PDZRN4: variants seen among roughly 807,000 people sequenced by gnomAD.
PDZRN4 encodes PDZ domain-containing RING finger protein 4.
Under a neutral mutation model 99.0 loss-of-function variants are expected in PDZRN4, and 70 were observed. That is an observed-to-expected ratio of 0.71 (90% CI 0.58 to 0.86). PDZRN4 has a LOEUF of 0.86. Ranked by LOEUF, PDZRN4 falls within the 40% of genes least tolerant of loss-of-function variation. The pLI is 0.00. For missense variants in PDZRN4, 1,474 were observed against 1,331.2 expected (o/e 1.11, Z -1.67); for synonymous variants, 551 against 501.6 (o/e 1.10, Z -1.32).
intron 3 of PDZRN4, among the ~76,000 whole-genome samples, chr12:41,466,989 C>A (rs897428879): frequency 6.6e-6 from 1 of 152,178 alleles, no homozygotes; most frequent in African/African-American, 2.4e-5. Flanking sequence ...CTGCTGCTGA[C>A]GCACCTCTGT....
chr12:41,379,318 C>A (rs1486342468), intron 3 of PDZRN4, among the ~76,000 whole-genome samples: 3 of 145,782 alleles, frequency 2.1e-5, no homozygotes, highest in Non-Finnish European at 3.0e-5. Context: ...AGAAAACCAT[C>A]CCTTCATTTT....
intron 3 of PDZRN4, among the ~76,000 whole-genome samples, chr12:41,335,665 G>A (rs1951768061): frequency 6.6e-6 from 1 of 152,062 alleles, no homozygotes; most frequent in Non-Finnish European, 1.5e-5. Context: ...GAATGAAGAG[G>A]CTAATATTAC....
In PDZRN4 at chr12:41,509,835, G is replaced by C; in HGVS notation, c.1125G>C (p.Glu375Asp). ...GCTGCCATTCTCTACATCCAATGGA[G>C]CATGAATTTTATGAGGACAATGAGT... ...SDSCHSLHPM[E>D]HEFYEDNEYI... The change falls in exon 5 of 10, where the codon GAG becomes GAC. Residue 375 changes from glutamate (E) to aspartate (D), a missense_variant. Transcript: ENST00000402685. 1 of 1,592,782 alleles carries C rather than the reference G, an allele frequency of 6.3e-7. No homozygotes were observed. Among genetic ancestry groups the C allele is most frequent in the Non-Finnish European group, 8.6e-7 (1 of 1,163,068 alleles).
At chr12:41,506,990 T>C (rs1005799582) in intron 4 of PDZRN4, among the ~76,000 whole-genome samples, 1 of 152,130 alleles carries the variant, frequency 6.6e-6, no homozygotes, top group Non-Finnish European at 1.5e-5. Flanking sequence ...TTCATATTAC[T>C]AGCTGTCAAA....
In PDZRN4 at chr12:41,194,065, G is replaced by C; in HGVS notation, c.736-16G>C. 1 of 1,194,058 alleles carries C rather than the reference G, an allele frequency of 8.4e-7. No individual in the cohort carries two copies. The highest frequency in any genetic ancestry group is 1.5e-5 in the African/African-American group (1 of 66,634). 74.0% of individuals were successfully genotyped at this position (1,194,058 alleles called of 1,614,324 possible). On this transcript the variant is annotated splice_polypyrimidine_tract_variant and intron_variant, in intron 2 of 9. Transcript: ENST00000402685. Reference sequence around the variant, plus strand: ...TTGCTTACATCTTTCTTCTGCTAATGATTTTTTAAAAATAGAATAATCAGG... The same window carrying C: ...TTGCTTACATCTTTCTTCTGCTAATCATTTTTTAAAAATAGAATAATCAGG...
intron 3 of PDZRN4, among the ~76,000 whole-genome samples, chr12:41,491,244 C>T (rs1287512331): frequency 1.3e-5 from 2 of 152,018 alleles, no homozygotes; most frequent in African/African-American, 4.8e-5. Flanking sequence ...GAATCCTGGC[C>T]GGGAGTGGTG....
chr12:41,527,677 T>C (rs892648338), intron 5 of PDZRN4, among the ~76,000 whole-genome samples: 26 of 152,172 alleles, frequency 1.7e-4, no homozygotes, highest in African/African-American at 6.0e-4. Flanking sequence ...CTGACCAAAG[T>C]CATTTGGGCA....
chr12:41,518,313 T>C (rs1016478462), intron 5 of PDZRN4, among the ~76,000 whole-genome samples: 6 of 152,142 alleles, frequency 3.9e-5, no homozygotes, highest in Non-Finnish European at 8.8e-5. Flanking sequence ...AATACAATTT[T>C]TAAATATGAT....
intron 9 of PDZRN4, among the ~76,000 whole-genome samples, chr12:41,570,643 A>G (rs753850080): frequency 6.6e-6 from 1 of 152,176 alleles, no homozygotes; most frequent in Non-Finnish European, 1.5e-5. Flanking sequence ...TATTAGAAAA[A>G]TATAATTATA....
At chr12:41,410,677 C>A (rs145833948) in intron 3 of PDZRN4, among the ~76,000 whole-genome samples, 2,199 of 152,114 alleles carry the variant, frequency 0.014, 35 homozygotes, top group Non-Finnish European at 0.021. Context: ...ATTGGGAATC[C>A]CACTCTGGCT....
chr12:41,258,271 T>C (rs1951216418), intron 3 of PDZRN4, among the ~76,000 whole-genome samples: 1 of 152,230 alleles, frequency 6.6e-6, no homozygotes, highest in Non-Finnish European at 1.5e-5. Context: ...TATTTATATC[T>C]TGTTTAATTT....
chr12:41,271,164 G>C (rs1025106521), intron 3 of PDZRN4, among the ~76,000 whole-genome samples: 1 of 150,948 alleles, frequency 6.6e-6, no homozygotes, highest in Non-Finnish European at 1.5e-5. Flanking sequence ...ATTTTTTCTT[G>C]AATGACTGTA....
intron 3 of PDZRN4, among the ~76,000 whole-genome samples, chr12:41,331,488 C>A (rs1384683055): frequency 1.3e-5 from 2 of 152,038 alleles, no homozygotes; most frequent in Admixed American, 1.3e-4. Flanking sequence ...AAGAGATTGG[C>A]ATTTACATTT....
chr12:41,411,137 G>A (rs1314296240), intron 3 of PDZRN4, among the ~76,000 whole-genome samples: 1 of 151,452 alleles, frequency 6.6e-6, no homozygotes, highest in Admixed American at 6.6e-5. Context: ...CTGGGCTTAA[G>A]CAGTCCTCCT....
intron 5 of PDZRN4, among the ~76,000 whole-genome samples, chr12:41,519,880 A>G (rs1938464539): frequency 6.6e-6 from 1 of 152,050 alleles, no homozygotes; most frequent in Non-Finnish European, 1.5e-5. Flanking sequence ...TGGAAAACTC[A>G]GGCCTATATA....
At chr12:41,460,158 A>G in intron 3 of PDZRN4, 1 of 1,047,832 alleles carries the variant, frequency 9.5e-7, no homozygotes, top group South Asian at 1.5e-5. Flanking sequence ...CTTTTTATGT[A>G]TATATTGGTT....
chr12:41,484,596 CT>C (rs1448638859), intron 3 of PDZRN4, among the ~76,000 whole-genome samples: 3 of 152,184 alleles, frequency 2.0e-5, no homozygotes, highest in Non-Finnish European at 2.9e-5. Flanking sequence ...ATAGTACGTG[CT>C]TTATTAATGT....
chr12:41,309,042 G>C (rs955601478), intron 3 of PDZRN4, among the ~76,000 whole-genome samples: 1 of 151,834 alleles, frequency 6.6e-6, no homozygotes, highest in East Asian at 1.9e-4. Flanking sequence ...CCCAAAATGA[G>C]AGACCTAGAT....
intron 3 of PDZRN4, among the ~76,000 whole-genome samples, chr12:41,245,703 C>T (rs111935773): frequency 0.012 from 1,773 of 152,116 alleles, 22 homozygotes; most frequent in African/African-American, 0.027. Context: ...AAATATATGG[C>T]AATATAATGG....
Sources: allele counts gnomAD v4.1 joint callset (sites outside exome capture counted in the v4.1 genomes callset), GRCh38; gene constraint gnomAD v4.1.1; transcripts MANE v1.5; gene names NCBI Gene and HGNC (gene_info 2026-07-23, HGNC 2026-07-21).